LAMTOR5: variants seen among roughly 807,000 people sequenced by gnomAD.
The protein encoded by LAMTOR5 is late endosomal/lysosomal adaptor, MAPK and MTOR activator 5, also known as ragulator complex protein LAMTOR5.
Under a neutral mutation model 12.1 loss-of-function variants are expected in LAMTOR5, and 8 were observed. That is an observed-to-expected ratio of 0.66 (90% CI 0.39 to 1.19). The LOEUF (loss-of-function observed/expected upper bound fraction) is 1.19. Ranked by LOEUF, LAMTOR5 falls within the 50% of genes most tolerant of loss-of-function variation. The probability of loss-of-function intolerance (pLI) is 0.01; values close to 1 mark genes in which losing one functional copy is unlikely to be tolerated. For missense variants in LAMTOR5, 110 were observed against 112.8 expected, an observed-to-expected ratio of 0.97 and a Z score of 0.11; for synonymous variants, 37 against 41.9, an observed-to-expected ratio of 0.88 and a Z score of 0.45.
At chr1:110,404,468 G>A (rs1052076817) in intron 2 of LAMTOR5, among the ~76,000 whole-genome samples, 1 of 152,204 alleles carries the variant, frequency 6.6e-6, no homozygotes, top group African/African-American at 2.4e-5. Context: ...CCTAGCAAAT[G>A]CTTCCAAAAA....
At chr1:110,406,520 C>A in intron 1 of LAMTOR5, 141 bp from the exon 2 acceptor site, 1 of 566,214 alleles carries the variant, frequency 1.8e-6, no homozygotes. Context: ...TTGTCACACC[C>A]TAAGAAAAAA....
In LAMTOR5 at chr1:110,407,682, GC is replaced by G; in HGVS notation, c.-63del. The G allele has an allele frequency of 6.2e-7, 1 of 1,614,220 alleles. No individual in the cohort carries two copies. Among genetic ancestry groups the G allele is most frequent in the Non-Finnish European group, 8.5e-7 (1 of 1,180,036 alleles). ...CACGGCACGTCCTTCTCCACCACAG[GC>G]CTCAGTCACTTGACGCGAGCGGGGC... On this transcript the variant is annotated 5_prime_UTR_variant, in exon 1 of 4. Transcript: ENST00000602318.
chr1:110,407,384 C>T (rs986330810), intron 1 of LAMTOR5: 1 of 668,504 alleles, frequency 1.5e-6, no homozygotes, highest in South Asian at 2.0e-5. Context: ...AGGGAATGTG[C>T]GGTGCCCGGC....
intron 3 of LAMTOR5, chr1:110,403,462 T>C (rs1338157639): frequency 6.6e-6 from 1 of 152,044 alleles, no homozygotes; most frequent in Admixed American, 6.6e-5. Flanking sequence ...ATACAAAAAT[T>C]AGCTGGGTGT....
intron 3 of LAMTOR5, 25 bp downstream of exon 3, chr1:110,403,893 GA>G: frequency 6.2e-7 from 1 of 1,609,602 alleles, no homozygotes; most frequent in South Asian, 1.1e-5. Context: ...GAACAAAAAG[GA>G]AAGGATCTGC....
At chr1:110,404,103 T>C (rs577048503) in intron 2 of LAMTOR5, 67 bp from the exon 3 acceptor site, 314 of 1,585,066 alleles carry the variant, frequency 2.0e-4, no homozygotes, top group Non-Finnish European at 2.5e-4. Context: ...ATAAGCTAGC[T>C]GGCTGTTTTA....
At chr1:110,406,835 CA>C in intron 1 of LAMTOR5, 1 of 434,094 alleles carries the variant, frequency 2.3e-6, no homozygotes, top group South Asian at 5.4e-5. Flanking sequence ...AAAAAGAACA[CA>C]AAAAATTTAA....
intron 2 of LAMTOR5, among the ~76,000 whole-genome samples, chr1:110,405,610 C>T (rs1035217588): frequency 1.3e-5 from 2 of 152,026 alleles, no homozygotes; most frequent in Non-Finnish European, 1.5e-5. Context: ...GGATTACAGG[C>T]GTGAGACACT....
In LAMTOR5 at chr1:110,407,198, C is replaced by G. The variant is rs150094176; in HGVS notation, c.35+388G>C. 450 of 583,842 alleles carry G rather than the reference C, an allele frequency of 7.7e-4. 5 individuals are homozygous for G. The highest frequency in any genetic ancestry group is 7.3e-3 in the African/African-American group (395 of 54,054). 36.2% of individuals were successfully genotyped at this position (583,842 alleles called of 1,614,324 possible). ...CACCAAGTAACTGATAGGTTACACA[C>G]AGGAGATACGTGTTTGTTTACACTG... is the stretch of plus-strand genomic sequence containing the variant. On this transcript the variant is annotated intron_variant, in intron 1 of 3. Transcript: ENST00000602318.
At chr1:110,406,142 A>C (rs1663323709) in intron 2 of LAMTOR5, among the ~76,000 whole-genome samples, 176 bp downstream of exon 2, 1 of 152,248 alleles carries the variant, frequency 6.6e-6, no homozygotes, top group Admixed American at 6.5e-5. Context: ...CATAAATACC[A>C]ACTGAAAAGT....
intron 1 of LAMTOR5, 79 bp from the exon 2 acceptor site, chr1:110,406,458 C>A: frequency 1.1e-6 from 1 of 926,908 alleles, no homozygotes; most frequent in South Asian, 1.5e-5. Flanking sequence ...TACAGGTGTT[C>A]TATGTACCAG....
Position 110,407,607 on chromosome 1 carries a change from A to C in LAMTOR5, c.14T>G (p.Leu5Trp). The C allele has an allele frequency of 6.2e-7, 1 of 1,614,014 alleles. No individual in the cohort carries two copies. Among genetic ancestry groups the C allele is most frequent in the Non-Finnish European group, 8.5e-7 (1 of 1,180,010 alleles). The change falls in exon 1 of 4, where the codon TTG becomes TGG. Residue 5 changes from leucine to tryptophan, a missense_variant. Transcript: ENST00000602318. MEAT[L>W]EQHLEDTMKN... ...TCACGTGTCTTCCAAGTGCTGCTCC[A>C]AGGTCGCCTCCATCCCACCCACCGA...
At chr1:110,405,037 G>C (rs1489483324) in intron 2 of LAMTOR5, among the ~76,000 whole-genome samples, 1 of 135,384 alleles carries the variant, frequency 7.4e-6, no homozygotes, top group African/African-American at 2.8e-5. Flanking sequence ...GACAGAGCAA[G>C]ATTTCGTCTC....
intron 3 of LAMTOR5, among the ~76,000 whole-genome samples, chr1:110,402,923 G>A (rs189769691): frequency 1.3e-5 from 2 of 152,312 alleles, no homozygotes; most frequent in Admixed American, 6.5e-5. Context: ...AGTGTTGTAA[G>A]CTCCATTATG....
chr1:110,406,470 C>T (rs1663331869), intron 1 of LAMTOR5, 91 bp from the exon 2 acceptor site: 2 of 790,292 alleles, frequency 2.5e-6, no homozygotes, highest in African/African-American at 1.8e-5. Flanking sequence ...ATGTACCAGG[C>T]ATTAAGTGCT....
rs770835819 is a variant in LAMTOR5, at chr1:110,406,396, A to G, written c.36-17T>C. On this transcript the variant is annotated splice_polypyrimidine_tract_variant and intron_variant, in intron 1 of 3. Transcript: ENST00000602318. ...TTCTTCATTCTAATTCCAGGAACAC[A>G]AGAGAGTTGAAGTACATAATGGGAG... 15 of 1,580,592 alleles carry G rather than the reference A, an allele frequency of 9.5e-6. No individual in the cohort carries two copies. The highest frequency in any genetic ancestry group is 1.0e-5 in the Non-Finnish European group (12 of 1,152,602).
In LAMTOR5 at chr1:110,403,992, G is replaced by C; in HGVS notation, c.142C>G (p.Leu48Val). ...SDEHAGVISV[L>V]AQQAAKLTSD... ...GTTAGCTTAGCTGCTTGCTGGGCTAGAACAGATATCACTCCAGCATGCTCA... is the reference window on the plus strand; with the variant it reads ...GTTAGCTTAGCTGCTTGCTGGGCTACAACAGATATCACTCCAGCATGCTCA... Residue 48 changes from leucine (L) to valine (V), a missense_variant, in exon 3 of 4, where the codon CTA (leucine) becomes GTA (valine). Physicochemically the swap from Leu to Val is conservative, Grantham distance 32. Transcript: ENST00000602318. 6.2e-7 allele frequency: 1 copy of C among 1,614,204 alleles called. No individual in the cohort carries two copies. Among genetic ancestry groups the C allele is most frequent in the South Asian group, 1.1e-5 (1 of 91,076 alleles).
In LAMTOR5 at chr1:110,401,387, T is replaced by C; in HGVS notation, c.*136A>G. On this transcript the variant is annotated 3_prime_UTR_variant, in exon 4 of 4. Transcript: ENST00000602318. The stretch of plus-strand genomic sequence containing the variant: ...CATAGAGCATTAGAAAGCAATTGAC[T>C]CTTAAATAAACAGAAAAGTGCCTAA... 1 of 823,544 alleles carries C rather than the reference T, an allele frequency of 1.2e-6. No individual in the cohort carries two copies. Among genetic ancestry groups the C allele is most frequent in the East Asian group, 2.7e-5 (1 of 36,698 alleles). 51.0% of individuals were successfully genotyped at this position (823,544 alleles called of 1,614,324 possible).
At chr1:110,402,439 G>T (rs907582683) in intron 3 of LAMTOR5, among the ~76,000 whole-genome samples, 1 of 152,112 alleles carries the variant, frequency 6.6e-6, no homozygotes, top group East Asian at 1.9e-4. Flanking sequence ...TAGAGACAGG[G>T]TTTCACCATG....
Sources: allele counts gnomAD v4.1 joint callset (sites outside exome capture counted in the v4.1 genomes callset), GRCh38; gene constraint gnomAD v4.1.1; transcripts MANE v1.5; gene names NCBI Gene and HGNC (gene_info 2026-07-23, HGNC 2026-07-21).